The following RBFOX2 variants were observed in gnomAD, a reference collection of about 807,000 sequenced individuals.
RBFOX2 encodes RNA binding protein fox-1 homolog 2.
A neutral mutation model predicts 49.1 loss-of-function variants in RBFOX2; 10 were observed. The ratio of observed to expected loss-of-function variants is 0.20; its 90% CI spans 0.13 to 0.35. The LOEUF is 0.35. RBFOX2 is among the 10% of genes least tolerant of loss of function. The pLI, the probability that RBFOX2 is intolerant of heterozygous loss-of-function variation, is 1.00. For missense variants in RBFOX2, 323 were observed against 486.9 expected, an observed-to-expected ratio of 0.66 and a Z score of 3.17; for synonymous variants, 183 against 187.4, an observed-to-expected ratio of 0.98 and a Z score of 0.19.
chr22:35,746,216 G>T (rs916344525), intron 10 of RBFOX2, among the ~76,000 whole-genome samples: 5 of 152,210 alleles, frequency 3.3e-5, no homozygotes, highest in African/African-American at 1.2e-4. Flanking sequence ...GAAAGGAGTT[G>T]GAGATGAGGA....
intron 1 of RBFOX2, among the ~76,000 whole-genome samples, chr22:35,954,777 C>A (rs1483789737): frequency 3.3e-5 from 5 of 152,144 alleles, no homozygotes; most frequent in Admixed American, 3.3e-4. Context: ...CTCAAAAGAA[C>A]TCACAGTCTA....
At chr22:35,961,653 C>T in exon 1 of RBFOX2, 1 of 1,304,044 alleles carries the variant, frequency 7.7e-7, no homozygotes, top group Non-Finnish European at 1.0e-6. Flanking sequence ...TCTCCCCTTG[C>T]ACACAGCTAC....
chr22:35,888,000 C>G (rs897760289), intron 1 of RBFOX2, among the ~76,000 whole-genome samples: 2 of 152,078 alleles, frequency 1.3e-5, no homozygotes, highest in Non-Finnish European at 2.9e-5. Flanking sequence ...TATGTTCTAC[C>G]TCCCTCCTAA....
rs1934167920 is a variant in RBFOX2 at position 35,749,645 on chromosome 22, G to T, written c.888-3084C>A. On this transcript the variant is annotated intron_variant, in intron 9 of 11. Coordinates refer to ENST00000405409, the Ensembl canonical transcript of RBFOX2. The surrounding 1 kb of genome is among the most constrained non-coding windows in gnomAD (Gnocchi z 4.1). ...TCTATTCCAGATTTCAAAGTGCATA[G>T]AAATTTCAGGCTGAGAAACCGTTTT... Among the ~76,000 whole-genome samples the T allele has an allele frequency of 1.3e-5, 2 of 152,122 alleles. No homozygotes were observed. Among genetic ancestry groups the T allele is most frequent in the African/African-American group, 4.8e-5 (2 of 41,446 alleles).
chr22:35,860,916 C>T (rs1288929695), intron 1 of RBFOX2, among the ~76,000 whole-genome samples: 3 of 152,136 alleles, frequency 2.0e-5, no homozygotes, highest in Non-Finnish European at 4.4e-5. Flanking sequence ...GAATGCTATA[C>T]CTGATGTTTG....
At chr22:35,812,628 C>G (rs567934830) in intron 1 of RBFOX2, among the ~76,000 whole-genome samples, 1 of 152,300 alleles carries the variant, frequency 6.6e-6, no homozygotes, top group African/African-American at 2.4e-5. Flanking sequence ...ACAATAAGAG[C>G]ACCAAAGGTC....
chr22:35,907,874 T>C (rs1215411215), intron 1 of RBFOX2, among the ~76,000 whole-genome samples: 2 of 152,102 alleles, frequency 1.3e-5, no homozygotes, highest in Admixed American at 6.5e-5. Flanking sequence ...CTCGAACTTC[T>C]GACCTTAAGA....
At chr22:35,879,512 C>A (rs963211942) in intron 1 of RBFOX2, among the ~76,000 whole-genome samples, 2 of 152,146 alleles carry the variant, frequency 1.3e-5, no homozygotes, top group Admixed American at 1.3e-4. Flanking sequence ...GCTCTGGAAC[C>A]AACCCCCTCA....
At chr22:35,911,420 T>C (rs2049817062) in intron 1 of RBFOX2, among the ~76,000 whole-genome samples, 1 of 152,158 alleles carries the variant, frequency 6.6e-6, no homozygotes, top group African/African-American at 2.4e-5. Context: ...GAAATGGAAA[T>C]GGCAACAAGG....
In RBFOX2 at chr22:35,916,200, C is replaced by T. The variant is rs1051893823; in HGVS notation, c.-34+22647G>A. Among the ~76,000 whole-genome samples, 12 of 152,220 alleles carry T rather than the reference C, an allele frequency of 7.9e-5. No homozygotes were observed. The South Asian group carries it at 8.3e-4, about 10-fold the overall frequency. Reference sequence around the variant, plus strand: ...GTTCTACCACTTTCCAGCTCTGTGACTTGCTCTTCTCTAAAGCCCAGTTTC... The same window carrying T: ...GTTCTACCACTTTCCAGCTCTGTGATTTGCTCTTCTCTAAAGCCCAGTTTC... On this transcript the variant is annotated intron_variant, in intron 1 of 13. Coordinates refer to the RBFOX2 transcript ENST00000359369.
rs148703699 is a variant in RBFOX2 at position 35,897,788 on chromosome 22, T to C, written c.-34+41059A>G. The C allele has an allele frequency of 1.4e-3, 1,026 of 755,664 alleles. 5 individuals are homozygous for C. Among genetic ancestry groups the C allele is most frequent in the African/African-American group, 0.012 (686 of 58,680 alleles). The allele number at this position is 755,664 out of a possible 1,614,324, so 46.8% of individuals were successfully genotyped here. ...AGGAATCTATCCTCTCTTCCAAAGA[T>C]GTCCAACAGCTTTACGATAATGGCT... On this transcript the variant is annotated intron_variant, in intron 1 of 13. Coordinates refer to the RBFOX2 transcript ENST00000359369.
At chr22:35,864,704 A>C (rs1333528983) in intron 1 of RBFOX2, among the ~76,000 whole-genome samples, 1 of 152,240 alleles carries the variant, frequency 6.6e-6, no homozygotes, top group African/African-American at 2.4e-5. Flanking sequence ...TGCAAAGTAG[A>C]AACAGTGACT....
At chr22:35,859,106 C>T (rs777579196) in intron 1 of RBFOX2, among the ~76,000 whole-genome samples, 12 of 152,138 alleles carry the variant, frequency 7.9e-5, no homozygotes, top group South Asian at 2.1e-4. Flanking sequence ...AAATACCATT[C>T]GATAAATGCC....
intron 1 of RBFOX2, among the ~76,000 whole-genome samples, chr22:35,873,816 A>G (rs574283144): frequency 6.6e-6 from 1 of 152,230 alleles, no homozygotes; most frequent in South Asian, 2.1e-4. Flanking sequence ...AGCTGGGATT[A>G]CGGACAGGTG....
intron 1 of RBFOX2, among the ~76,000 whole-genome samples, chr22:35,854,544 T>C (rs552899880): frequency 6.6e-6 from 1 of 151,136 alleles, no homozygotes; most frequent in African/African-American, 2.4e-5. Flanking sequence ...CAGTGAGTTA[T>C]GATCATGCCA....
chr22:35,966,672 C>G (rs149751223), intron 1 of RBFOX2, among the ~76,000 whole-genome samples: 1 of 152,070 alleles, frequency 6.6e-6, no homozygotes, highest in South Asian at 2.1e-4. Context: ...CTGGGTTGTT[C>G]AAAAGATTCA....
intron 1 of RBFOX2, among the ~76,000 whole-genome samples, chr22:35,823,443 T>C (rs1443399895): frequency 1.3e-5 from 2 of 152,246 alleles, no homozygotes; most frequent in African/African-American, 4.8e-5. Flanking sequence ...CTCTTGTATA[T>C]TAGTGCTACA....
chr22:36,021,513 A>G (rs956420690), intron 1 of RBFOX2, among the ~76,000 whole-genome samples: 20 of 152,098 alleles, frequency 1.3e-4, no homozygotes, highest in Admixed American at 1.0e-3. Flanking sequence ...TCCAAATGCT[A>G]CTAAAAAAAA....
upstream of RBFOX2, among the ~76,000 whole-genome samples, chr22:35,843,188 C>T (rs190037212): frequency 3.3e-5 from 5 of 152,158 alleles, no homozygotes; most frequent in Admixed American, 1.3e-4. Context: ...TGAATGTGCC[C>T]GGTAATGTAC....
Sources: gnomAD v4.1 joint callset for allele counts (sites outside exome capture counted in the v4.1 genomes callset) on GRCh38, gnomAD v4.1.1 for gene constraint, Gnocchi (gnomAD v3.1) non-coding constraint, MANE v1.5 for transcripts, NCBI Gene and HGNC (gene_info 2026-07-23, HGNC 2026-07-21) for gene names.